Variants in NLGN4Y observed in about 807,000 individuals in gnomAD.
NLGN4Y encodes the protein neuroligin-4, Y-linked.
In NLGN4Y, 4 loss-of-function variants were observed where a neutral mutation model predicts 8.4. The ratio of observed to expected loss-of-function variants is 0.48; its 90% confidence interval spans 0.23 to 1.09. The LOEUF (loss-of-function observed/expected upper bound fraction) is 1.09. NLGN4Y is among the 50% of genes least tolerant of loss of function. NLGN4Y has a pLI of 0.19. For missense variants in NLGN4Y, 90 were observed against 192.3 expected (o/e 0.47, Z 3.15); for synonymous variants, 35 against 75.6 (o/e 0.46, Z 2.78).
intron 2 of NLGN4Y, among the ~76,000 whole-genome samples, chrY:14,685,197 TG>T (rs2150534728): frequency 3.0e-5 from 1 of 33,542 alleles, no homozygotes; most frequent in Non-Finnish European, 7.4e-5. Flanking sequence ...GTACAATGCC[TG>T]GCATGCAGCA....
chrY:14,716,708 T>C, intron 2 of NLGN4Y, among the ~76,000 whole-genome samples: 1 of 33,348 alleles, frequency 3.0e-5, no homozygotes, highest in South Asian at 6.7e-4. Context: ...TGAAAAACTT[T>C]TGCATTTTGA....
At chrY:14,738,111 T>G in intron 4 of NLGN4Y, among the ~76,000 whole-genome samples, 1 of 32,707 alleles carries the variant, frequency 3.1e-5, no homozygotes, top group Non-Finnish European at 7.5e-5. Flanking sequence ...TTATGAAACT[T>G]TAGGAAAAAG....
chrY:14,664,061 T>C (rs2080684612), intron 2 of NLGN4Y, among the ~76,000 whole-genome samples: 1 of 32,391 alleles, frequency 3.1e-5, no homozygotes, highest in South Asian at 7.3e-4. Flanking sequence ...TCTATATTCA[T>C]GGTATACTTG....
intron 2 of NLGN4Y, among the ~76,000 whole-genome samples, chrY:14,711,689 C>A (rs2080899403): frequency 3.1e-5 from 1 of 32,322 alleles, no homozygotes; most frequent in Non-Finnish European, 7.5e-5. Context: ...ACACAAGATG[C>A]GTTGGTACTG....
chrY:14,726,368 C>T (rs2080955435), intron 4 of NLGN4Y, among the ~76,000 whole-genome samples: 1 of 33,537 alleles, frequency 3.0e-5, no homozygotes, highest in South Asian at 6.7e-4. Flanking sequence ...ACAGGTTGGC[C>T]AGCTTAAGTA....
rs755458766 is a variant in NLGN4Y at position 14,841,104 on chromosome Y, C to T, written c.2353C>T (p.Arg785Cys). ...TCPPDYTLTL[R>C]RSPDDIPFMT... is the part of the protein sequence containing the mutation. Reference sequence around the variant, plus strand: ...CCCTCCAGACTACACCCTCACGCTGCGCCGGTCGCCGGATGACATCCCATT... The same window carrying T: ...CCCTCCAGACTACACCCTCACGCTGTGCCGGTCGCCGGATGACATCCCATT... Residue 785 changes from arginine to cysteine, a missense_variant, in exon 7 of 7, where the codon CGC (arginine) becomes TGC (cysteine). Arg to Cys is a radical substitution (Grantham distance 180). Around this residue, in one of 4 missense-constraint regions of NLGN4Y, gnomAD observed 37 missense variants for 94.0 expected, o/e 0.39. Coordinates refer to ENST00000684976, the MANE Select transcript of NLGN4Y (RefSeq NM_001365588.1). The T allele has an allele frequency of 2.5e-6, 1 of 396,494 alleles. No individual in the cohort carries two copies. The highest frequency in any genetic ancestry group is 3.0e-5 in the South Asian group (1 of 33,512).
intron 4 of NLGN4Y, among the ~76,000 whole-genome samples, chrY:14,766,914 A>C: frequency 3.0e-5 from 1 of 33,312 alleles, no homozygotes; most frequent in Non-Finnish European, 7.5e-5. Flanking sequence ...TATTTTAAAA[A>C]TATGGAAATG....
At chrY:14,645,028 G>A in intron 2 of NLGN4Y, among the ~76,000 whole-genome samples, 2 of 32,666 alleles carry the variant, frequency 6.1e-5, no homozygotes, top group Non-Finnish European at 1.5e-4. Flanking sequence ...GGCTATGAAT[G>A]TTTTCCAAAT....
chrY:14,835,814 A>T, intron 6 of NLGN4Y, among the ~76,000 whole-genome samples: 1 of 28,692 alleles, frequency 3.5e-5, no homozygotes, highest in African/African-American at 1.4e-4. Flanking sequence ...TGAGAGATAA[A>T]AGAGGGAAGG....
At chrY:14,613,775 T>C (rs2080477979) in intron 1 of NLGN4Y, among the ~76,000 whole-genome samples, 1 of 33,883 alleles carries the variant, frequency 3.0e-5, no homozygotes, top group Admixed American at 2.7e-4. Flanking sequence ...ATCTCATCCT[T>C]TTTTATGGCT....
At chrY:14,802,216 C>T in intron 4 of NLGN4Y, among the ~76,000 whole-genome samples, 1 of 32,448 alleles carries the variant, frequency 3.1e-5, no homozygotes, top group Non-Finnish European at 7.5e-5. Flanking sequence ...CTTGGAGATA[C>T]CTGGAGAGCT....
chrY:14,730,469 T>C (rs2080967889), intron 4 of NLGN4Y, among the ~76,000 whole-genome samples: 1 of 33,511 alleles, frequency 3.0e-5, no homozygotes, highest in Non-Finnish European at 7.4e-5. Context: ...GGTTTATTCA[T>C]AGTGGTGATC....
intron 1 of NLGN4Y, among the ~76,000 whole-genome samples, chrY:14,540,950 G>A: frequency 3.0e-5 from 1 of 33,549 alleles, no homozygotes; most frequent in Non-Finnish European, 7.4e-5. Flanking sequence ...GATGGAGAAT[G>A]AGTTTGATGA....
At chrY:14,701,827 A>G in intron 2 of NLGN4Y, among the ~76,000 whole-genome samples, 2 of 32,761 alleles carry the variant, frequency 6.1e-5, no homozygotes. Flanking sequence ...CGAACTCATA[A>G]CATATTGGCA....
chrY:14,809,444 C>T, intron 4 of NLGN4Y, among the ~76,000 whole-genome samples: 1 of 33,175 alleles, frequency 3.0e-5, no homozygotes, highest in African/African-American at 1.2e-4. Context: ...CACTGCACTT[C>T]AGCCTGGTCG....
intron 1 of NLGN4Y, among the ~76,000 whole-genome samples, chrY:14,588,677 GTAA>G (rs2080349232): frequency 3.0e-5 from 1 of 33,656 alleles, no homozygotes; most frequent in Admixed American, 2.7e-4. Context: ...CATAGAATGT[GTAA>G]TAATGTGTCT....
intron 4 of NLGN4Y, among the ~76,000 whole-genome samples, chrY:14,768,200 T>C (rs776645252): frequency 3.0e-5 from 1 of 33,784 alleles, no homozygotes; most frequent in South Asian, 6.6e-4. Flanking sequence ...CCTACCAAAA[T>C]GAACCTAAAA....
chrY:14,813,709 G>A (rs2043090957), intron 4 of NLGN4Y, among the ~76,000 whole-genome samples: 1 of 33,647 alleles, frequency 3.0e-5, no homozygotes, highest in Non-Finnish European at 7.4e-5. Context: ...TCATATCACC[G>A]AAAATATCTA....
intron 4 of NLGN4Y, among the ~76,000 whole-genome samples, chrY:14,817,885 C>A: frequency 3.1e-5 from 1 of 32,105 alleles, no homozygotes; most frequent in Middle Eastern, 0.014. Flanking sequence ...GTCTTGGGTG[C>A]ACCTGGATAT....
Sources: allele counts gnomAD v4.1 joint callset (sites outside exome capture counted in the v4.1 genomes callset), GRCh38; gene constraint gnomAD v4.1.1; regional missense constraint gnomAD v4.1.1; transcripts MANE v1.5; gene names NCBI Gene and HGNC (gene_info 2026-07-23, HGNC 2026-07-21).